The following LPCAT1 variants were observed in gnomAD, a reference collection of about 807,000 sequenced individuals.
LPCAT1 encodes lysophosphatidylcholine acyltransferase 1.
In LPCAT1, 23 loss-of-function variants were observed where a neutral mutation model predicts 60.9. The observed-to-expected ratio is 0.38, with a 90% confidence interval of 0.27 to 0.53. The LOEUF (loss-of-function observed/expected upper bound fraction) is 0.53. Among genes scored for constraint, LPCAT1 ranks in the 20% least tolerant of loss-of-function variants. The pLI, the probability that LPCAT1 is intolerant of heterozygous loss-of-function variation, is 0.82. For synonymous variants in LPCAT1, 340 were observed against 301.1 expected, an observed-to-expected ratio of 1.13 and a Z score of -1.34; for missense variants, 622 against 723.6, an observed-to-expected ratio of 0.86 and a Z score of 1.61.
chr5:1,466,820 C>A lies in LPCAT1; in HGVS notation c.1349G>T (p.Gly450Val). Residue 450 changes from glycine to valine, a missense_variant, in exon 13 of 14, where the codon GGG becomes GTG. Coordinates refer to ENST00000283415, the MANE Select transcript of LPCAT1 (RefSeq NM_024830.5). ...DLSCILKTAL[G>V]VAELTVTDLF... ...GTCGGTCACGGTGAGCTCTGCCACC[C>A]CCAGGGCCGTCTTGAGGATGCAGGA... is the stretch of plus-strand genomic sequence containing the variant. 1 of 1,613,508 alleles carries A rather than the reference C, an allele frequency of 6.2e-7. No homozygotes were observed.
At chr5:1,503,008 A>G (rs1038480635) in intron 1 of LPCAT1, among the ~76,000 whole-genome samples, 6 of 152,004 alleles carry the variant, frequency 3.9e-5, no homozygotes, top group African/African-American at 7.3e-5. Flanking sequence ...GCTAGTTTGC[A>G]TTTTCTCCCG....
In LPCAT1 at chr5:1,489,762, T is replaced by C. The variant is rs777160832; in HGVS notation, c.590A>G (p.Asn197Ser). The change falls in exon 4 of 14, where the codon AAC (asparagine) becomes AGC (serine). Residue 197 changes from asparagine (N) to serine (S), a missense_variant. By Grantham distance (46) the Asn-to-Ser change is conservative. Transcript: ENST00000283415. The stretch of plus-strand genomic sequence containing the variant: ...GTGCATTACCTGTGGCCACTTTCCG[T>C]TGGACTGCGCCCGTCTCTTGATTTC... ...VEEIKRRAQSNGKWPQIMIFP... is the reference protein window; with the variant it reads ...VEEIKRRAQSSGKWPQIMIFP... 1.2e-6 allele frequency: 2 copies of C among 1,613,276 alleles called. No individual in the cohort carries two copies. Among genetic ancestry groups the C allele is most frequent in the Admixed American group, 1.7e-5 (1 of 60,028 alleles).
At chr5:1,464,897 ACACT>A (rs1362825837) in intron 13 of LPCAT1, among the ~76,000 whole-genome samples, 7 of 139,658 alleles carry the variant, frequency 5.0e-5, no homozygotes, top group East Asian at 4.1e-4. Context: ...GTGCACACAC[ACACT>A]AACTAAACAC....
intron 5 of LPCAT1, among the ~76,000 whole-genome samples, chr5:1,485,032 G>C (rs1364988596): frequency 6.6e-6 from 1 of 152,338 alleles, no homozygotes; most frequent in African/African-American, 2.4e-5. Flanking sequence ...ACGCAGTGTG[G>C]AGGAAATAGT....
At chr5:1,501,423 C>A (rs147995856) in intron 2 of LPCAT1, 38 bp downstream of exon 2, 6 of 1,576,482 alleles carry the variant, frequency 3.8e-6, no homozygotes, top group East Asian at 2.3e-5. Flanking sequence ...CCGCGTGACC[C>A]CCCCCCAGGA....
intron 2 of LPCAT1, among the ~76,000 whole-genome samples, chr5:1,500,995 G>A (rs531498730): frequency 2.0e-5 from 3 of 152,282 alleles, no homozygotes; most frequent in Non-Finnish European, 4.4e-5. Flanking sequence ...CCAAGAGGCC[G>A]TCCACTCACA....
rs759707027 is a variant in LPCAT1, at chr5:1,477,253, C to T, written c.899+151G>A. The T allele has an allele frequency of 3.1e-6, 2 of 648,298 alleles. No individual in the cohort carries two copies. The highest frequency in any genetic ancestry group is 5.4e-6 in the Non-Finnish European group (2 of 368,344). 40.2% of individuals were successfully genotyped at this position (648,298 alleles called of 1,614,324 possible). On this transcript the variant is annotated intron_variant, in intron 9 of 13. Coordinates refer to ENST00000283415, the MANE Select transcript of LPCAT1 (RefSeq NM_024830.5). The surrounding 1 kb of genome is among the most constrained non-coding windows in gnomAD (Gnocchi z 6.0). ...AAACAAGGGGCGCACAGCACAAGGCCAAGCACGCTTCACCAACATGCATGA... is the reference window on the plus strand; with the variant it reads ...AAACAAGGGGCGCACAGCACAAGGCTAAGCACGCTTCACCAACATGCATGA...
Position 1,480,849 on chromosome 5 carries a change from G to T in LPCAT1, c.761+93C>A. 6.8e-7 allele frequency: 1 copy of T among 1,478,674 alleles called. No homozygotes were observed. Among genetic ancestry groups the T allele is most frequent in the South Asian group, 1.1e-5 (1 of 88,310 alleles). 91.6% of individuals were successfully genotyped at this position (1,478,674 alleles called of 1,614,324 possible). ...CTGTCCCACACCTGCTTTCACAACT[G>T]CAAAAGTAACTAGCGTGCACAGCAG... On this transcript the variant is annotated intron_variant, in intron 7 of 13. Transcript: ENST00000283415. The surrounding 1 kb of genome is among the most constrained non-coding windows in gnomAD (Gnocchi z 6.4).
chr5:1,505,973 AC>A (rs1560988621), intron 1 of LPCAT1, among the ~76,000 whole-genome samples: 1 of 152,126 alleles, frequency 6.6e-6, no homozygotes, highest in Non-Finnish European at 1.5e-5. Context: ...CAGCCCATGC[AC>A]CCTTGTGCCT....
rs1163364640 is a variant in LPCAT1 at position 1,462,509 on chromosome 5, G to C, written c.*1142C>G. On this transcript the variant is annotated 3_prime_UTR_variant, in exon 14 of 14. Transcript: ENST00000283415. ...AGTGGTGTCCGCACGGCTGTCACCAGACATCCTCATCACCCTCCGCACCGC... is the reference window on the plus strand; with the variant it reads ...AGTGGTGTCCGCACGGCTGTCACCACACATCCTCATCACCCTCCGCACCGC... 6.6e-6 allele frequency: 1 copy of C among 152,296 alleles called. No individual in the cohort carries two copies. The highest frequency in any genetic ancestry group is 2.4e-5 in the African/African-American group (1 of 41,446). 9.4% of individuals were successfully genotyped at this position (152,296 alleles called of 1,614,324 possible).
intron 12 of LPCAT1, among the ~76,000 whole-genome samples, chr5:1,467,684 G>T (rs1734481749): frequency 6.6e-6 from 1 of 150,992 alleles, no homozygotes. Flanking sequence ...GGCTCCCTGT[G>T]GGGTGCAGGG....
intron 8 of LPCAT1, 54 bp downstream of exon 8, chr5:1,479,567 G>C: frequency 2.3e-6 from 3 of 1,278,198 alleles, no homozygotes; most frequent in Non-Finnish European, 3.4e-6. Context: ...GTGTAAGCTC[G>C]TGTCTGCATC....
chr5:1,504,870 G>C (rs2927664), intron 1 of LPCAT1, among the ~76,000 whole-genome samples: 10,142 of 148,798 alleles, frequency 0.068, 410 homozygotes, highest in Middle Eastern at 0.11. Context: ...TCTGACCCTG[G>C]GGCCACGGCA....
At position 1,487,090 on chromosome 5, in the gene LPCAT1, T is replaced by C. The variant is rs920367122; in HGVS notation, c.667+1301A>G. ...AGGGGCCTCCCTGCAGGCACGAGGC[T>C]CCACTCCCGAGGAACACCTGCCCTT... On this transcript the variant is annotated intron_variant, in intron 5 of 13. Coordinates refer to ENST00000283415, the MANE Select transcript of LPCAT1 (RefSeq NM_024830.5). This position sits in a 1 kb window ranked among gnomAD's most constrained non-coding sequence, Gnocchi z 6.1. Among the ~76,000 whole-genome samples the C allele has an allele frequency of 1.3e-5, 2 of 152,126 alleles. No homozygotes were observed. The highest frequency in any genetic ancestry group is 2.9e-5 in the Non-Finnish European group (2 of 68,004).
chr5:1,466,688 C>A, intron 13 of LPCAT1, 61 bp downstream of exon 13: 4 of 1,536,170 alleles, frequency 2.6e-6, no homozygotes, highest in Non-Finnish European at 3.5e-6. Context: ...GAGACTCGCC[C>A]CACACTCTGT....
At chr5:1,517,024 GACAA>G (rs1249636016) in intron 1 of LPCAT1, among the ~76,000 whole-genome samples, 1 of 152,214 alleles carries the variant, frequency 6.6e-6, no homozygotes. Flanking sequence ...GTTTCACAGG[GACAA>G]ACAGTGATCA....
At position 1,521,136 on chromosome 5, in the gene LPCAT1, G is replaced by A. The variant is rs771935450; in HGVS notation, c.135+2574C>T. 6.6e-6 allele frequency among the ~76,000 whole-genome samples: 1 copy of A among 152,144 alleles called. No homozygotes were observed. The highest frequency in any genetic ancestry group is 1.5e-5 in the Non-Finnish European group (1 of 68,040). The stretch of plus-strand genomic sequence containing the variant: ...TAGCCAGAGGATTAAAACATTGCAC[G>A]TATTACAGACCCTGATGGCTTTGAT... On this transcript the variant is annotated intron_variant, in intron 1 of 13. Coordinates refer to ENST00000283415, the MANE Select transcript of LPCAT1 (RefSeq NM_024830.5). The surrounding 1 kb of genome is among the most constrained non-coding windows in gnomAD (Gnocchi z 4.3).
At chr5:1,493,426 C>T (rs528052088) in intron 3 of LPCAT1, among the ~76,000 whole-genome samples, 2 of 152,368 alleles carry the variant, frequency 1.3e-5, no homozygotes, top group South Asian at 4.1e-4. Context: ...TGAATGTGTC[C>T]CCCCAGATAT....
intron 3 of LPCAT1, among the ~76,000 whole-genome samples, chr5:1,493,260 C>A (rs891588865): frequency 5.3e-5 from 8 of 152,242 alleles, no homozygotes; most frequent in African/African-American, 1.9e-4. Context: ...AACTGCCCAG[C>A]TGCAGGCACA....
Sources: allele counts gnomAD v4.1 joint callset (sites outside exome capture counted in the v4.1 genomes callset), GRCh38; gene constraint gnomAD v4.1.1; non-coding constraint Gnocchi (gnomAD v3.1); transcripts MANE v1.5; gene names NCBI Gene and HGNC (gene_info 2026-07-23, HGNC 2026-07-21).